The following SLC1A2 variants were observed in gnomAD, a reference collection of about 807,000 sequenced individuals.
The protein encoded by SLC1A2 is excitatory amino acid transporter 2.
A neutral mutation model predicts 48.8 loss-of-function variants in SLC1A2; 15 were observed. The observed-to-expected ratio is 0.31, with a 90% confidence interval of 0.21 to 0.47. The LOEUF (loss-of-function observed/expected upper bound fraction) is 0.47. Ranked by LOEUF, SLC1A2 falls within the 20% of genes least tolerant of loss-of-function variation. The probability of loss-of-function intolerance (pLI) is 0.99; values close to 1 mark genes in which losing one functional copy is unlikely to be tolerated. For missense variants in SLC1A2, 502 were observed against 730.5 expected, an observed-to-expected ratio of 0.69 and a Z score of 3.61; for synonymous variants, 279 against 272.6, an observed-to-expected ratio of 1.02 and a Z score of -0.23.
chr11:35,281,114 C>A, intron 8 of SLC1A2, 113 bp from the exon 9 acceptor site: 1 of 1,374,352 alleles, frequency 7.3e-7, no homozygotes, highest in East Asian at 2.7e-5. Context: ...CCCCCAACCC[C>A]CACCCCATAC....
chr11:35,412,791 T>C (rs1045149971), intron 1 of SLC1A2, among the ~76,000 whole-genome samples: 1 of 152,150 alleles, frequency 6.6e-6, no homozygotes, highest in African/African-American at 2.4e-5. Context: ...ACAAAGCACA[T>C]ACCCAAGGCT....
intron 3 of SLC1A2, 76 bp from the exon 4 acceptor site, chr11:35,312,524 G>A (rs989056797): frequency 2.9e-5 from 43 of 1,482,288 alleles, no homozygotes; most frequent in South Asian, 1.7e-4. Flanking sequence ...TTTCTATGAC[G>A]TTAGCTTCAT....
At chr11:35,317,332 TC>T in intron 2 of SLC1A2, 44 bp downstream of exon 2, 2 of 1,594,384 alleles carry the variant, frequency 1.3e-6, no homozygotes, top group Non-Finnish European at 1.7e-6. Context: ...GCCAGGAGAG[TC>T]CCAGAGAAGA....
intron 10 of SLC1A2, 60 bp downstream of exon 10, chr11:35,265,466 TA>T (rs1950465794): frequency 7.1e-6 from 6 of 850,460 alleles, no homozygotes; most frequent in African/African-American, 3.4e-5. Context: ...TTTTTTTTTT[TA>T]AAGAAATCAA....
chr11:35,395,978 C>A (rs1402940461), intron 1 of SLC1A2, among the ~76,000 whole-genome samples: 1 of 149,320 alleles, frequency 6.7e-6, no homozygotes. Flanking sequence ...TTTCCAATTT[C>A]ATCCATGTCC....
At chr11:35,336,923 A>C (rs1217356728) in intron 1 of SLC1A2, among the ~76,000 whole-genome samples, 1 of 152,168 alleles carries the variant, frequency 6.6e-6, no homozygotes, top group Admixed American at 6.5e-5. Context: ...TTTTCCATTC[A>C]GTGTACTGAG....
chr11:35,289,502 C>A (rs1850929112), intron 7 of SLC1A2, among the ~76,000 whole-genome samples: 1 of 151,916 alleles, frequency 6.6e-6, no homozygotes, highest in Non-Finnish European at 1.5e-5. Context: ...ATATTAGCAG[C>A]CTTGGTTGGA....
At chr11:35,330,184 G>C (rs1379132107) in intron 1 of SLC1A2, among the ~76,000 whole-genome samples, 4 of 152,200 alleles carry the variant, frequency 2.6e-5, no homozygotes. Flanking sequence ...CTTCTCCCAA[G>C]TTTGTCACTA....
chr11:35,285,001 C>T (rs1294820300), intron 8 of SLC1A2, among the ~76,000 whole-genome samples: 1 of 152,162 alleles, frequency 6.6e-6, no homozygotes, highest in Non-Finnish European at 1.5e-5. Context: ...AAGCAGACAC[C>T]AGATTATTAC....
At chr11:35,391,342 G>A (rs2135240522) in intron 1 of SLC1A2, 1 of 152,300 alleles carries the variant, frequency 6.6e-6, no homozygotes, top group Middle Eastern at 3.4e-3. Flanking sequence ...TAATCTGCCA[G>A]TCACAATTCT....
At position 35,258,983 on chromosome 11, in the gene SLC1A2, C is replaced by T. The variant is rs1950353573; in HGVS notation, c.*1911G>A. 1 of 150,024 alleles carries T rather than the reference C, an allele frequency of 6.7e-6. No homozygotes were observed. Among genetic ancestry groups the T allele is most frequent in the African/African-American group, 2.5e-5 (1 of 40,610 alleles). 9.3% of individuals were successfully genotyped at this position (150,024 alleles called of 1,614,324 possible). A position where few individuals can be genotyped will look rare whatever the true frequency, so the allele number is the denominator to read the frequency against. ...AAAAAGAATGCATTTTCTACTACTA[C>T]ACTTAATCATATCCCTTGACCACCC... On this transcript the variant is annotated 3_prime_UTR_variant, in exon 11 of 11. Coordinates refer to ENST00000278379, the MANE Select transcript of SLC1A2 (RefSeq NM_004171.4).
intron 6 of SLC1A2, chr11:35,299,388 TA>T (rs1185729565): frequency 6.6e-6 from 1 of 150,394 alleles, no homozygotes; most frequent in Non-Finnish European, 1.5e-5. Context: ...TATATACATA[TA>T]TATATATATA....
chr11:35,340,631 G>T (rs576922748), intron 1 of SLC1A2, among the ~76,000 whole-genome samples: 1 of 152,184 alleles, frequency 6.6e-6, no homozygotes, highest in Non-Finnish European at 1.5e-5. Flanking sequence ...AGATTGTAGC[G>T]TAAATTAGAT....
At chr11:35,279,397 C>A (rs1030466669) in intron 9 of SLC1A2, among the ~76,000 whole-genome samples, 2 of 152,212 alleles carry the variant, frequency 1.3e-5, no homozygotes, top group Admixed American at 1.3e-4. Context: ...GCTGAACTAC[C>A]ATACATGGTC....
intron 1 of SLC1A2, among the ~76,000 whole-genome samples, chr11:35,367,515 ATCAGCCT>A (rs1853892975): frequency 1.3e-5 from 2 of 151,430 alleles, no homozygotes; most frequent in African/African-American, 2.4e-5. Context: ...TGCTTTACCC[ATCAGCCT>A]TCAGAACAGG....
rs577284884 is a variant in SLC1A2 at position 35,325,835 on chromosome 11, G to T, written c.18-8319C>A. On this transcript the variant is annotated intron_variant, in intron 1 of 10. Coordinates refer to ENST00000278379, the MANE Select transcript of SLC1A2 (RefSeq NM_004171.4). ...AAAAATTAGCTGGGTATGGTGGCAG[G>T]CACCTGTAATCCCAGCTACTCGGGA... Among the ~76,000 whole-genome samples, 4 of 151,942 alleles carry T rather than the reference G, an allele frequency of 2.6e-5. No individual in the cohort carries two copies. In the South Asian group the frequency reaches 8.3e-4, roughly 32 times the overall value.
chr11:35,401,324 G>T (rs1458431032), intron 1 of SLC1A2, among the ~76,000 whole-genome samples: 1 of 152,170 alleles, frequency 6.6e-6, no homozygotes, highest in Non-Finnish European at 1.5e-5. Context: ...GCTTTTGCAG[G>T]GCATTTCAAA....
At chr11:35,322,390 T>C (rs1225928899) in intron 1 of SLC1A2, among the ~76,000 whole-genome samples, 2 of 152,228 alleles carry the variant, frequency 1.3e-5, no homozygotes, top group African/African-American at 4.8e-5. Flanking sequence ...AGATGTGGTG[T>C]TGGATTCAGA....
Position 35,382,027 on chromosome 11 carries a change from A to C in SLC1A2, c.17+36923T>G, listed in dbSNP as rs137928417. ...ACATGATTGGTTAGATTCCCACAAC[A>C]ACCTTATGAAGCAGGTATGATAACA... On this transcript the variant is annotated intron_variant, in intron 1 of 10. Coordinates refer to ENST00000278379, the MANE Select transcript of SLC1A2 (RefSeq NM_004171.4). 6.9e-3 allele frequency among the ~76,000 whole-genome samples: 1,046 copies of C among 152,338 alleles called. 5 individuals are homozygous for C. The highest frequency in any genetic ancestry group is 0.01 in the Middle Eastern group (3 of 294).
Sources: allele counts gnomAD v4.1 joint callset (sites outside exome capture counted in the v4.1 genomes callset), GRCh38; gene constraint gnomAD v4.1.1; transcripts MANE v1.5; gene names NCBI Gene and HGNC (gene_info 2026-07-23, HGNC 2026-07-21).